ARMC9: variants seen among roughly 807,000 people sequenced by gnomAD.
ARMC9 encodes lisH domain-containing protein ARMC9.
Under a neutral mutation model 107.0 loss-of-function variants are expected in ARMC9, and 94 were observed. The observed-to-expected ratio is 0.88, with a 90% CI of 0.74 to 1.04. The LOEUF is 1.04. Ranked by LOEUF, ARMC9 falls within the 50% of genes least tolerant of loss-of-function variation. The pLI is 0.00. For synonymous variants in ARMC9, 380 were observed against 396.9 expected, an observed-to-expected ratio of 0.96 and a Z score of 0.51; for missense variants, 942 against 1,030.1, an observed-to-expected ratio of 0.91 and a Z score of 1.17.
chr2:231,328,445 G>A (rs928853072), intron 19 of ARMC9, among the ~76,000 whole-genome samples: 1 of 152,060 alleles, frequency 6.6e-6, no homozygotes, highest in South Asian at 2.1e-4. Flanking sequence ...TTTTATGGGT[G>A]TTCTAAAAAT....
intron 17 of ARMC9, among the ~76,000 whole-genome samples, chr2:231,283,819 A>G (rs1028200348): frequency 6.6e-6 from 1 of 152,236 alleles, no homozygotes; most frequent in East Asian, 1.9e-4. Context: ...TGCAGCCTCC[A>G]TCTCCTAGGC....
intron 19 of ARMC9, among the ~76,000 whole-genome samples, chr2:231,329,086 GC>G (rs1227750402): frequency 2.0e-5 from 3 of 151,734 alleles, no homozygotes; most frequent in African/African-American, 7.3e-5. Flanking sequence ...CTCCCAAAGT[GC>G]TGGGATTACA....
At chr2:231,204,489 T>G (rs1362531183) in intron 1 of ARMC9, among the ~76,000 whole-genome samples, 1 of 152,120 alleles carries the variant, frequency 6.6e-6, no homozygotes, top group East Asian at 1.9e-4. Flanking sequence ...CTATCTAAAA[T>G]AACCCCATAC....
At chr2:231,236,332 CTTAACT>C (rs1319798600) in intron 8 of ARMC9, among the ~76,000 whole-genome samples, 6 of 151,926 alleles carry the variant, frequency 3.9e-5, no homozygotes, top group Non-Finnish European at 8.8e-5. Context: ...TAAAATTTAT[CTTAACT>C]TTTTTTTCTT....
intron 1 of ARMC9, among the ~76,000 whole-genome samples, chr2:231,205,853 C>T (rs1376181457): frequency 6.6e-6 from 1 of 152,204 alleles, no homozygotes; most frequent in Non-Finnish European, 1.5e-5. Context: ...TCTTATGCCA[C>T]TTTATCCCCT....
In ARMC9 at chr2:231,360,706, A is replaced by G. The variant is rs1346663112; in HGVS notation, c.2132-48A>G. ...CCAGCCCACGAGAGGGCATCCTTAG[A>G]GGGGCTCCAGAGCAGATGTGGACTG... On this transcript the variant is annotated intron_variant, in intron 22 of 24. Transcript: ENST00000611582. The surrounding 1 kb of genome is among the most constrained non-coding windows in gnomAD (Gnocchi z 4.7). The G allele has an allele frequency of 6.5e-7, 1 of 1,536,074 alleles. No homozygotes were observed. The highest frequency in any genetic ancestry group is 8.7e-7 in the Non-Finnish European group (1 of 1,146,870).
At chr2:231,323,524 G>T (rs943656978) in intron 19 of ARMC9, among the ~76,000 whole-genome samples, 1 of 152,134 alleles carries the variant, frequency 6.6e-6, no homozygotes, top group African/African-American at 2.4e-5. Context: ...CTCAACTAGC[G>T]CAGCTCAGTT....
chr2:231,305,447 G>A (rs551610452), intron 19 of ARMC9, among the ~76,000 whole-genome samples: 1 of 152,356 alleles, frequency 6.6e-6, no homozygotes, highest in South Asian at 2.1e-4. Flanking sequence ...TGTGATTAGT[G>A]ACTGTTGATA....
Position 231,371,510 on chromosome 2 carries a change from C to G in ARMC9, c.2435-3C>G, listed in dbSNP as rs1363602897. ...GGCATCTTGCTCTGGCTTTTCTCTC[C>G]AGGCAGCCAGTCTCACAGGAAGTAA... On this transcript the variant is annotated splice_region_variant and splice_polypyrimidine_tract_variant and intron_variant, in intron 24 of 24. Coordinates refer to ENST00000611582, the MANE Select transcript of ARMC9 (RefSeq NM_001352754.2). 1 of 1,238,168 alleles carries G rather than the reference C, an allele frequency of 8.1e-7. No individual in the cohort carries two copies. Among genetic ancestry groups the G allele is most frequent in the African/African-American group, 1.5e-5 (1 of 64,646 alleles). The allele number at this position is 1,238,168 out of a possible 1,614,324, so 76.7% of individuals were successfully genotyped here. A position where few individuals can be genotyped will look rare whatever the true frequency, so the allele number is the denominator to read the frequency against.
rs573514892 is a variant in ARMC9 at position 231,224,396 on chromosome 2, G to A, written c.597+1576G>A. ...GAGCCCAGGAAGTTGAGGCTGCATTGAGCTGTGTATTCTGCCATTGAACTT... is the reference window on the plus strand; with the variant it reads ...GAGCCCAGGAAGTTGAGGCTGCATTAAGCTGTGTATTCTGCCATTGAACTT... On this transcript the variant is annotated intron_variant, in intron 6 of 24. Coordinates refer to ENST00000611582, the MANE Select transcript of ARMC9 (RefSeq NM_001352754.2). Among the ~76,000 whole-genome samples, 9 of 152,316 alleles carry A rather than the reference G, an allele frequency of 5.9e-5. No homozygotes were observed. In the South Asian group the frequency reaches 1.9e-3, roughly 32 times the overall value.
At chr2:231,298,496 G>A (rs1411007703) in intron 19 of ARMC9, among the ~76,000 whole-genome samples, 1 of 152,258 alleles carries the variant, frequency 6.6e-6, no homozygotes, top group Non-Finnish European at 1.5e-5. Context: ...CAAGGTGACA[G>A]CTCTGAAGGA....
At chr2:231,250,448 GAGAAGCACT>G (rs2037192954) in intron 9 of ARMC9, among the ~76,000 whole-genome samples, 1 of 152,198 alleles carries the variant, frequency 6.6e-6, no homozygotes, top group Non-Finnish European at 1.5e-5. Context: ...ACTCCCAGCT[GAGAAGCACT>G]AGAGGGAAAG....
intron 20 of ARMC9, among the ~76,000 whole-genome samples, chr2:231,341,021 T>C (rs2044469595): frequency 6.6e-6 from 1 of 151,882 alleles, no homozygotes; most frequent in African/African-American, 2.4e-5. Context: ...TCAGCAACAA[T>C]AGGAAGGCCC....
intron 19 of ARMC9, among the ~76,000 whole-genome samples, chr2:231,318,816 C>A (rs771566282): frequency 6.6e-6 from 1 of 152,194 alleles, no homozygotes. Flanking sequence ...GTTCCAGGAA[C>A]AGGAGTATAT....
At chr2:231,271,421 T>C (rs1384309706) in intron 13 of ARMC9, among the ~76,000 whole-genome samples, 1 of 152,206 alleles carries the variant, frequency 6.6e-6, no homozygotes, top group Non-Finnish European at 1.5e-5. Flanking sequence ...AGTGAAACAA[T>C]TACGGCAAAA....
At chr2:231,242,711 A>T (rs1471753634) in intron 9 of ARMC9, among the ~76,000 whole-genome samples, 1 of 152,176 alleles carries the variant, frequency 6.6e-6, no homozygotes, top group Non-Finnish European at 1.5e-5. Context: ...TTCATCAAAG[A>T]CTTAGTGTTT....
At chr2:231,275,692 G>A (rs1574909571) in intron 14 of ARMC9, among the ~76,000 whole-genome samples, 2 of 152,182 alleles carry the variant, frequency 1.3e-5, no homozygotes, top group African/African-American at 4.8e-5. Context: ...GGTGGCTCAC[G>A]CCTGTAATCC....
chr2:231,332,626 A>T (rs116767243), intron 20 of ARMC9, among the ~76,000 whole-genome samples: 3,845 of 152,218 alleles, frequency 0.025, 73 homozygotes, highest in Non-Finnish European at 0.039. Context: ...ATAGGGCAGG[A>T]TGTGAGTCAG....
intron 17 of ARMC9, among the ~76,000 whole-genome samples, chr2:231,289,797 A>T (rs954870439): frequency 6.6e-6 from 1 of 152,074 alleles, no homozygotes; most frequent in African/African-American, 2.4e-5. Context: ...GAGCTTACCC[A>T]TCTCTGCCTC....
Sources: allele counts gnomAD v4.1 joint callset (sites outside exome capture counted in the v4.1 genomes callset), GRCh38; gene constraint gnomAD v4.1.1; non-coding constraint Gnocchi (gnomAD v3.1); transcripts MANE v1.5; gene names NCBI Gene and HGNC (gene_info 2026-07-23, HGNC 2026-07-21).